Variants in DNAH3 observed in about 807,000 individuals in gnomAD.
The protein encoded by DNAH3 is dynein axonemal heavy chain 3.
Under a neutral mutation model 432.5 loss-of-function variants are expected in DNAH3, and 332 were observed. The observed-to-expected ratio is 0.77, with a 90% CI of 0.70 to 0.84. DNAH3 has a LOEUF of 0.84. Ranked by LOEUF, DNAH3 falls within the 40% of genes least tolerant of loss-of-function variation. The pLI is 0.00. For missense variants in DNAH3, 4,861 were observed against 5,114.0 expected (o/e 0.95, Z 1.51); for synonymous variants, 1,956 against 1,900.2 (o/e 1.03, Z -0.76).
chr16:21,081,554 G>A lies in DNAH3; in HGVS notation c.2969+82C>T, dbSNP rs1482383495. ...ACAAGGAAAAAAAAACAAACAGCCC[G>A]ATATGGAGCCAATCAGATCACTGTG... is the stretch of plus-strand genomic sequence containing the variant. On this transcript the variant is annotated intron_variant, in intron 20 of 61. Transcript: ENST00000261383. 1.3e-5 allele frequency: 15 copies of A among 1,139,150 alleles called. No individual in the cohort carries two copies. The Admixed American group carries it at 1.8e-4, about 14-fold the overall frequency. The allele number at this position is 1,139,150 out of a possible 1,614,324, so 70.6% of individuals were successfully genotyped here.
intron 23 of DNAH3, among the ~76,000 whole-genome samples, chr16:21,067,767 G>GT (rs1412607267): frequency 1.1e-5 from 1 of 89,736 alleles, no homozygotes; most frequent in Admixed American, 1.2e-4. Flanking sequence ...TGGGGGGGGG[G>GT]GTGGGGAGGG....
In DNAH3 at chr16:21,122,354, A is replaced by G. The variant is rs541245804; in HGVS notation, c.1405-230T>C. On this transcript the variant is annotated intron_variant, in intron 9 of 61. Coordinates refer to ENST00000261383, the Ensembl canonical transcript of DNAH3. ...TGGATCACCTGAGGTCAGGAGTTCA[A>G]GATCAGCCTGGCCAACATGGTGGAA... 2.0e-5 allele frequency among the ~76,000 whole-genome samples: 3 copies of G among 152,236 alleles called. No individual in the cohort carries two copies. In the East Asian group the frequency reaches 5.8e-4, roughly 29 times the overall value.
chr16:21,050,358 G>A (rs2089903147), intron 29 of DNAH3, among the ~76,000 whole-genome samples: 1 of 152,166 alleles, frequency 6.6e-6, no homozygotes, highest in Admixed American at 6.5e-5. Flanking sequence ...AAATAAAAGT[G>A]AGAATACTCA....
intron 22 of DNAH3, 79 bp downstream of exon 22, chr16:21,070,631 A>G: frequency 1.2e-6 from 1 of 842,536 alleles, no homozygotes; most frequent in African/African-American, 1.7e-5. Context: ...TGTTAACTGA[A>G]CGTGAAAACC....
intron 38 of DNAH3, among the ~76,000 whole-genome samples, 158 bp downstream of exon 38, chr16:21,026,868 AC>A (rs1232061546): frequency 1.3e-5 from 2 of 151,960 alleles, no homozygotes; most frequent in Non-Finnish European, 2.9e-5. Flanking sequence ...CTGCACATAT[AC>A]CCCCTGGAAC....
intron 25 of DNAH3, 56 bp from the exon 26 acceptor site, chr16:21,060,412 A>T: frequency 7.5e-7 from 1 of 1,332,018 alleles, no homozygotes; most frequent in Non-Finnish European, 1.1e-6. Flanking sequence ...AGAGGGAGGG[A>T]GAGTGGGCAG....
intron 41 of DNAH3, among the ~76,000 whole-genome samples, chr16:21,005,177 TTTTC>T (rs552237011): frequency 5.9e-5 from 9 of 151,634 alleles, no homozygotes; most frequent in South Asian, 2.1e-4. Context: ...TTCTTTTTCT[TTTTC>T]TTTCTCTTTC....
At chr16:20,988,143 G>C in intron 44 of DNAH3, 78 bp from the exon 45 acceptor site, 1 of 1,571,544 alleles carries the variant, frequency 6.4e-7, no homozygotes, top group African/African-American at 1.3e-5. Context: ...GGATGCACAC[G>C]AGGTGGCTTT....
At chr16:21,155,389 C>T (rs954208444) in intron 1 of DNAH3, among the ~76,000 whole-genome samples, 1 of 151,866 alleles carries the variant, frequency 6.6e-6, no homozygotes, top group Non-Finnish European at 1.5e-5. Context: ...TTTGGAAGGC[C>T]GAGGCAGGCG....
chr16:21,092,698 C>CAAAAA lies in DNAH3; in HGVS notation c.2665+4652_2665+4656dup, dbSNP rs61277332. On this transcript the variant is annotated intron_variant, in intron 18 of 61. Coordinates refer to ENST00000261383, the Ensembl canonical transcript of DNAH3. ...GGCACAGTCTGGAAGAAAATATTTG[C>CAAAAA]AAAAAAAAAAAAAAAAAAAAAAAAA... Among the ~76,000 whole-genome samples the CAAAAA allele has an allele frequency of 7.8e-4, 9 of 11,532 alleles. 1 individual carries two copies. Among genetic ancestry groups the CAAAAA allele is most frequent in the African/African-American group, 3.0e-3 (9 of 3,050 alleles). The allele number at this position is 11,532 out of a possible 152,430, so 7.6% of individuals were successfully genotyped here. A position where few individuals can be genotyped will look rare whatever the true frequency, so the allele number is the denominator to read the frequency against.
chr16:21,146,385 G>C (rs1431124964), intron 1 of DNAH3, among the ~76,000 whole-genome samples: 1 of 152,132 alleles, frequency 6.6e-6, no homozygotes, highest in Non-Finnish European at 1.5e-5. Context: ...GTGAAACCCT[G>C]TCTCTACTAA....
intron 53 of DNAH3, 34 bp from the exon 54 acceptor site, chr16:20,959,438 C>T (rs375612232): frequency 1.8e-5 from 29 of 1,595,780 alleles, no homozygotes; most frequent in South Asian, 8.8e-5. Flanking sequence ...TTTTGAAAGA[C>T]GACAGGCCAG....
intron 8 of DNAH3, among the ~76,000 whole-genome samples, chr16:21,127,100 A>G (rs2092459373): frequency 6.6e-6 from 1 of 152,082 alleles, no homozygotes; most frequent in South Asian, 2.1e-4. Flanking sequence ...GTCTTCCACA[A>G]AACCAGTCCC....
chr16:20,967,084 G>T (rs2085098279), intron 52 of DNAH3, among the ~76,000 whole-genome samples: 1 of 152,188 alleles, frequency 6.6e-6, no homozygotes, highest in East Asian at 1.9e-4. Flanking sequence ...ACATCACATT[G>T]AGTACAGCAG....
chr16:20,979,812 C>T lies in DNAH3; in HGVS notation c.7860-266G>A, dbSNP rs538367104. Among the ~76,000 whole-genome samples the T allele has an allele frequency of 3.2e-4, 49 of 152,248 alleles. No individual in the cohort carries two copies. The East Asian group carries it at 9.1e-3, about 28-fold the overall frequency. ...ACACCCAGGCTGGAGTGCAGTGGCG[C>T]GATCTCAGCTCGCTGCAACCTCTGC... On this transcript the variant is annotated intron_variant, in intron 49 of 61. Coordinates refer to ENST00000261383, the Ensembl canonical transcript of DNAH3.
chr16:21,048,314 T>C (rs1032293058), intron 31 of DNAH3, among the ~76,000 whole-genome samples: 8 of 152,134 alleles, frequency 5.3e-5, no homozygotes, highest in African/African-American at 1.2e-4. Flanking sequence ...ACTGCTGTGC[T>C]AGCAATCAGC....
intron 1 of DNAH3, among the ~76,000 whole-genome samples, chr16:21,148,888 T>C (rs1246235569): frequency 6.6e-6 from 1 of 152,116 alleles, no homozygotes; most frequent in East Asian, 1.9e-4. Context: ...CTTCAAGAGA[T>C]CGAGATTCTC....
intron 21 of DNAH3, among the ~76,000 whole-genome samples, chr16:21,074,996 A>G (rs1410599289): frequency 6.6e-6 from 1 of 152,232 alleles, no homozygotes; most frequent in Admixed American, 6.5e-5. Flanking sequence ...AGCTTGTTAG[A>G]TCTGCAGAAT....
At chr16:21,129,786 G>A (rs1377376640) in intron 7 of DNAH3, among the ~76,000 whole-genome samples, 1 of 94 alleles carries the variant, frequency 0.011, no homozygotes, top group Non-Finnish European at 0.031. Flanking sequence ...CATCCCATTA[G>A]TGGACAGGGG....
Sources: gnomAD v4.1 joint callset for allele counts (sites outside exome capture counted in the v4.1 genomes callset) on GRCh38, gnomAD v4.1.1 for gene constraint, MANE v1.5 for transcripts, NCBI Gene and HGNC (gene_info 2026-07-23, HGNC 2026-07-21) for gene names.